SIPA1L3: variants seen among roughly 807,000 people sequenced by gnomAD.
SIPA1L3 encodes signal induced proliferation associated 1 like 3.
In SIPA1L3, 59 loss-of-function variants were observed where a neutral mutation model predicts 150.1. The ratio of observed to expected loss-of-function variants is 0.39; its 90% CI spans 0.32 to 0.49. The LOEUF (loss-of-function observed/expected upper bound fraction) is 0.49, where lower values mean the gene tolerates loss of function less well. SIPA1L3 is among the 20% of genes least tolerant of loss of function. SIPA1L3 has a pLI of 0.86. For synonymous variants in SIPA1L3, 1,070 were observed against 1,077.6 expected (o/e 0.99, Z 0.14); for missense variants, 2,211 against 2,489.5 (o/e 0.89, Z 2.38).
chr19:38,056,592 T>G (rs1969321009), intron 2 of SIPA1L3, among the ~76,000 whole-genome samples: 1 of 152,228 alleles, frequency 6.6e-6, no homozygotes, highest in African/African-American at 2.4e-5. Context: ...AATGTTTGTT[T>G]CCTCCTTTAG....
At chr19:38,148,360 A>AG (rs1971745293) in intron 12 of SIPA1L3, among the ~76,000 whole-genome samples, 1 of 151,952 alleles carries the variant, frequency 6.6e-6, no homozygotes, top group African/African-American at 2.4e-5. Context: ...CAAAAAAAAA[A>AG]AAAAAGTTGG....
intron 1 of SIPA1L3, among the ~76,000 whole-genome samples, chr19:37,991,180 C>T (rs1210563050): frequency 2.6e-5 from 4 of 152,090 alleles, no homozygotes; most frequent in South Asian, 4.2e-4. Flanking sequence ...TGCTGTGAGC[C>T]GAGATTGCGC....
At chr19:37,985,702 C>T (rs530494335) in intron 1 of SIPA1L3, among the ~76,000 whole-genome samples, 2 of 152,288 alleles carry the variant, frequency 1.3e-5, no homozygotes, top group African/African-American at 4.8e-5. Context: ...AGTTTGTTCC[C>T]CAAAGCCTCC....
At chr19:38,094,865 G>A (rs1970342855) in intron 4 of SIPA1L3, among the ~76,000 whole-genome samples, 1 of 152,006 alleles carries the variant, frequency 6.6e-6, no homozygotes, top group Non-Finnish European at 1.5e-5. Context: ...TCAGGGGTTC[G>A]AGACCAGCCT....
At position 38,206,670 on chromosome 19, in the gene SIPA1L3, G is replaced by C; in HGVS notation, c.*430G>C. On this transcript the variant is annotated 3_prime_UTR_variant, in exon 22 of 22. Coordinates refer to ENST00000222345, the MANE Select transcript of SIPA1L3 (RefSeq NM_015073.3). The stretch of plus-strand genomic sequence containing the variant: ...CAACAAAGTTGCGGCTTGTGGGGCC[G>C]AGGCCCCTGCATGAAAAGTACAGCG... 1 of 157,862 alleles carries C rather than the reference G, an allele frequency of 6.3e-6. No individual in the cohort carries two copies. The allele number at this position is 157,862 out of a possible 1,614,324, so 9.8% of individuals were successfully genotyped here. A position where few individuals can be genotyped will look rare whatever the true frequency, so the allele number is the denominator to read the frequency against.
At chr19:38,007,281 TGTCTCTACTAAAAATACAAAAATTA>T (rs1214821646) in intron 1 of SIPA1L3, among the ~76,000 whole-genome samples, 1 of 151,994 alleles carries the variant, frequency 6.6e-6, no homozygotes, top group Non-Finnish European at 1.5e-5. Flanking sequence ...GGTGAAACCC[TGTCTCTACTAAAAATACAAAAATTA>T]GCCAGGCGTG....
At chr19:38,111,977 ATGCACACAG>A (rs1970765696) in intron 8 of SIPA1L3, among the ~76,000 whole-genome samples, 1 of 130,806 alleles carries the variant, frequency 7.6e-6, no homozygotes, top group African/African-American at 3.4e-5. Flanking sequence ...ATGCACACAC[ATGCACACAG>A]GCACACACCT....
At chr19:38,155,525 C>CTT (rs973266752) in intron 13 of SIPA1L3, among the ~76,000 whole-genome samples, 1 of 152,178 alleles carries the variant, frequency 6.6e-6, no homozygotes, top group African/African-American at 2.4e-5. Context: ...ATAGAACAAA[C>CTT]TTGTAGCCCC....
At chr19:37,953,842 C>T (rs1297465762) in intron 1 of SIPA1L3, among the ~76,000 whole-genome samples, 2 of 152,124 alleles carry the variant, frequency 1.3e-5, no homozygotes, top group Non-Finnish European at 2.9e-5. Context: ...GCTCAGCCAC[C>T]AGGAATTAGG....
chr19:37,957,335 CTG>C (rs1193194446), intron 1 of SIPA1L3, among the ~76,000 whole-genome samples: 13 of 152,306 alleles, frequency 8.5e-5, no homozygotes, highest in African/African-American at 3.1e-4. Context: ...ATTTGATAGA[CTG>C]TGTGTTGACT....
intron 1 of SIPA1L3, among the ~76,000 whole-genome samples, chr19:38,001,210 C>T (rs1007929009): frequency 6.6e-6 from 1 of 151,778 alleles, no homozygotes; most frequent in African/African-American, 2.4e-5. Flanking sequence ...TGTCCAGAGA[C>T]GTTTGCACCC....
At chr19:37,920,374 A>G (rs144098210) in intron 1 of SIPA1L3, among the ~76,000 whole-genome samples, 1 of 152,282 alleles carries the variant, frequency 6.6e-6, no homozygotes, top group East Asian at 1.9e-4. Context: ...GTCCTTATCT[A>G]TAAGATGCTC....
chr19:38,062,772 C>T (rs1331597706), intron 2 of SIPA1L3, among the ~76,000 whole-genome samples: 1 of 152,170 alleles, frequency 6.6e-6, no homozygotes, highest in Non-Finnish European at 1.5e-5. Flanking sequence ...AGGCGTGCAT[C>T]ACCACACCCG....
chr19:38,045,638 G>A (rs12977585), intron 2 of SIPA1L3, among the ~76,000 whole-genome samples: 1 of 152,042 alleles, frequency 6.6e-6, no homozygotes, highest in Non-Finnish European at 1.5e-5. Flanking sequence ...GGAGGTGGGG[G>A]TCTTATTCCA....
intron 2 of SIPA1L3, among the ~76,000 whole-genome samples, chr19:38,041,467 T>C (rs1187682849): frequency 6.6e-6 from 1 of 151,770 alleles, no homozygotes; most frequent in East Asian, 1.9e-4. Flanking sequence ...TTAGTAGAGA[T>C]GTGGTTTCAC....
chr19:38,152,989 G>A (rs1268413088), intron 13 of SIPA1L3, 22 bp downstream of exon 13: 1 of 1,606,570 alleles, frequency 6.2e-7, no homozygotes, highest in Admixed American at 1.7e-5. Flanking sequence ...ACCAGCTGCT[G>A]CGCCCACCCG....
At chr19:38,014,024 C>A (rs1267650778) in intron 1 of SIPA1L3, among the ~76,000 whole-genome samples, 2 of 152,252 alleles carry the variant, frequency 1.3e-5, no homozygotes, top group African/African-American at 4.8e-5. Flanking sequence ...CATTCTCTTC[C>A]ACGTCACATG....
chr19:38,122,033 C>T (rs1453230201), intron 9 of SIPA1L3, among the ~76,000 whole-genome samples: 1 of 151,532 alleles, frequency 6.6e-6, no homozygotes, highest in Non-Finnish European at 1.5e-5. Context: ...CCAGCCTGGC[C>T]AACATGGTAA....
At chr19:38,142,773 C>T (rs1971622176) in intron 12 of SIPA1L3, 63 bp downstream of exon 12, 2 of 1,538,288 alleles carry the variant, frequency 1.3e-6, no homozygotes, top group Non-Finnish European at 1.8e-6. Flanking sequence ...TCCTTCTTCC[C>T]CAGCAAATGC....
Sources: allele counts gnomAD v4.1 joint callset (sites outside exome capture counted in the v4.1 genomes callset), GRCh38; gene constraint gnomAD v4.1.1; transcripts MANE v1.5; gene names NCBI Gene and HGNC (gene_info 2026-07-23, HGNC 2026-07-21).